Variants in HDLBP observed in about 807,000 individuals in gnomAD.
The protein encoded by HDLBP is vigilin.
Under a neutral mutation model 137.3 loss-of-function variants are expected in HDLBP, and 30 were observed. The ratio of observed to expected loss-of-function variants is 0.22; its 90% CI spans 0.16 to 0.30. The LOEUF (loss-of-function observed/expected upper bound fraction) is 0.30, where lower values mean the gene tolerates loss of function less well. Among genes scored for constraint, HDLBP ranks in the 10% least tolerant of loss-of-function variants. The probability of loss-of-function intolerance (pLI) is 1.00; values close to 1 mark genes in which losing one functional copy is unlikely to be tolerated. For synonymous variants in HDLBP, 606 were observed against 596.0 expected, an observed-to-expected ratio of 1.02 and a Z score of -0.24; for missense variants, 1,119 against 1,667.3, an observed-to-expected ratio of 0.67 and a Z score of 5.73.
rs556914078 is a variant in HDLBP, at chr2:241,256,393, G to A, written c.664C>T (p.Arg222Cys). 6 of 1,605,146 alleles carry A rather than the reference G, an allele frequency of 3.7e-6. No individual in the cohort carries two copies. The highest frequency in any genetic ancestry group is 1.3e-5 in the African/African-American group (1 of 74,932). Residue 222 changes from arginine to cysteine, a missense_variant, in exon 7 of 28, where the codon CGT becomes TGT. Transcript: ENST00000310931. ...VLLISAEQDK[R>C]AVERLEVEKA... The stretch of plus-strand genomic sequence containing the variant: ...TCTACTTCTAGCCTCTCCACAGCAC[G>A]TTTGTCCTGGAAAGGAAGGGATGAT...
intron 4 of HDLBP, among the ~76,000 whole-genome samples, chr2:241,263,814 G>A (rs570629184): frequency 6.6e-6 from 1 of 152,272 alleles, no homozygotes; most frequent in Admixed American, 6.5e-5. Context: ...ATAGAGAACA[G>A]AAAACAGGAC....
intron 5 of HDLBP, among the ~76,000 whole-genome samples, chr2:241,261,289 T>G (rs1220760474): frequency 6.6e-6 from 1 of 151,992 alleles, no homozygotes; most frequent in Non-Finnish European, 1.5e-5. Context: ...GTGACCTTGT[T>G]TGGACACTGA....
chr2:241,314,753 T>C (rs2075950881), intron 1 of HDLBP, among the ~76,000 whole-genome samples: 1 of 152,200 alleles, frequency 6.6e-6, no homozygotes, highest in Non-Finnish European at 1.5e-5. Flanking sequence ...TCAAAGGAGC[T>C]ACGCACAAAA....
At chr2:241,300,095 T>G (rs2075338429) in intron 1 of HDLBP, among the ~76,000 whole-genome samples, 1 of 151,964 alleles carries the variant, frequency 6.6e-6, no homozygotes, top group African/African-American at 2.4e-5. Flanking sequence ...CGTTCTTTCA[T>G]GAGAAAGTAG....
chr2:241,276,166 CTTA>C (rs1316282904), intron 1 of HDLBP, among the ~76,000 whole-genome samples: 3 of 152,110 alleles, frequency 2.0e-5, no homozygotes, highest in South Asian at 4.1e-4. Flanking sequence ...TTTCAAGATT[CTTA>C]TTATTTGGGG....
Position 241,255,850 on chromosome 2 carries a change from C to A in HDLBP, c.874-270G>T, listed in dbSNP as rs185327140. On this transcript the variant is annotated intron_variant, in intron 7 of 27. Coordinates refer to ENST00000310931, the MANE Select transcript of HDLBP (RefSeq NM_005336.6). Reference sequence around the variant, plus strand: ...CCAATCCTTTCCCTCAATTAAGGAACACGTTTCAGACCTCAAAGTTCACTA... The same window carrying A: ...CCAATCCTTTCCCTCAATTAAGGAAAACGTTTCAGACCTCAAAGTTCACTA... Among the ~76,000 whole-genome samples the A allele has an allele frequency of 2.0e-5, 3 of 152,358 alleles. No homozygotes were observed. The East Asian group carries it at 5.8e-4, about 29-fold the overall frequency.
At chr2:241,262,645 C>A (rs1285519507) in intron 5 of HDLBP, 66 bp downstream of exon 5, 12 of 1,253,430 alleles carry the variant, frequency 9.6e-6, no homozygotes, top group Non-Finnish European at 1.2e-5. Flanking sequence ...TTCTAGCCTG[C>A]ATCAGGAGCC....
intron 1 of HDLBP, among the ~76,000 whole-genome samples, chr2:241,307,775 C>T (rs902743266): frequency 6.6e-6 from 1 of 152,072 alleles, no homozygotes; most frequent in Non-Finnish European, 1.5e-5. Flanking sequence ...GCCATCTTTC[C>T]GAGTACCAAA....
At chr2:241,252,697 G>A (rs1559504671) in intron 11 of HDLBP, among the ~76,000 whole-genome samples, 1 of 152,226 alleles carries the variant, frequency 6.6e-6, no homozygotes, top group Non-Finnish European at 1.5e-5. Context: ...GCCTCTGTGG[G>A]TTATTTGGGG....
intron 12 of HDLBP, 117 bp downstream of exon 12, chr2:241,249,724 C>T (rs535506051): frequency 4.3e-5 from 43 of 994,804 alleles, no homozygotes; most frequent in African/African-American, 6.5e-5. Flanking sequence ...TCCAGTGCAA[C>T]GTGGGATTTG....
chr2:241,302,394 C>CA (rs34979901), intron 1 of HDLBP, among the ~76,000 whole-genome samples: 21,521 of 151,374 alleles, frequency 0.14, 2,010 homozygotes, highest in Non-Finnish European at 0.21. Flanking sequence ...TCCATTTTGA[C>CA]AAAAAAAATA....
At chr2:241,244,020 C>T (rs141939105) in intron 16 of HDLBP, among the ~76,000 whole-genome samples, 230 of 152,074 alleles carry the variant, frequency 1.5e-3, no homozygotes, top group Middle Eastern at 3.4e-3. Context: ...AGCAGAAAGA[C>T]TGAACATGTT....
In HDLBP at chr2:241,229,441, C is replaced by T. The variant is rs1035727022; in HGVS notation, c.*160G>A. On this transcript the variant is annotated 3_prime_UTR_variant, in exon 28 of 28. Coordinates refer to ENST00000310931, the MANE Select transcript of HDLBP (RefSeq NM_005336.6). Reference sequence around the variant, plus strand: ...GCACGGCCAGGCCTGGAGGAGCGGCCGCACACACAGCCAGGCGCTAGGCTC... The same window carrying T: ...GCACGGCCAGGCCTGGAGGAGCGGCTGCACACACAGCCAGGCGCTAGGCTC... 29 of 597,444 alleles carry T rather than the reference C, an allele frequency of 4.9e-5. No individual in the cohort carries two copies. Among genetic ancestry groups the T allele is most frequent in the African/African-American group, 1.9e-4 (10 of 53,444 alleles). 37.0% of individuals were successfully genotyped at this position (597,444 alleles called of 1,614,324 possible). A position where few individuals can be genotyped will look rare whatever the true frequency, so the allele number is the denominator to read the frequency against.
At position 241,229,442 on chromosome 2, in the gene HDLBP, GCA is replaced by G. The variant is rs368742242; in HGVS notation, c.*157_*158del. On this transcript the variant is annotated 3_prime_UTR_variant, in exon 28 of 28. Coordinates refer to ENST00000310931, the MANE Select transcript of HDLBP (RefSeq NM_005336.6). ...CACGGCCAGGCCTGGAGGAGCGGCC[GCA>G]CACACAGCCAGGCGCTAGGCTCCCT... 7.7e-4 allele frequency: 459 copies of G among 596,188 alleles called. 3 individuals carry two copies. The highest frequency in any genetic ancestry group is 7.7e-3 in the African/African-American group (412 of 53,602). 36.9% of individuals were successfully genotyped at this position (596,188 alleles called of 1,614,324 possible). A position where few individuals can be genotyped will look rare whatever the true frequency, so the allele number is the denominator to read the frequency against.
chr2:241,297,787 C>T (rs2075236464), intron 1 of HDLBP, among the ~76,000 whole-genome samples: 2 of 152,004 alleles, frequency 1.3e-5, no homozygotes, highest in Admixed American at 6.6e-5. Context: ...ATCAGAAGGA[C>T]ACAGACAGTA....
At chr2:241,283,441 T>C (rs2074684863) in intron 1 of HDLBP, among the ~76,000 whole-genome samples, 1 of 152,044 alleles carries the variant, frequency 6.6e-6, no homozygotes, top group Admixed American at 6.5e-5. Flanking sequence ...TGCAAGAAGA[T>C]GCCATCTAAG....
At chr2:241,277,342 T>C (rs1575007080) in intron 1 of HDLBP, among the ~76,000 whole-genome samples, 1 of 152,110 alleles carries the variant, frequency 6.6e-6, no homozygotes, top group African/African-American at 2.4e-5. Context: ...AAAGATAAGA[T>C]ATTAATGAAC....
intron 1 of HDLBP, among the ~76,000 whole-genome samples, chr2:241,271,486 C>A (rs2074032708): frequency 6.6e-6 from 1 of 152,140 alleles, no homozygotes; most frequent in African/African-American, 2.4e-5. Context: ...AAGTTTAGCA[C>A]AAGTCTAACA....
Position 241,249,983 on chromosome 2 carries a change from T to C in HDLBP, c.1373-3A>G. 6.3e-7 allele frequency: 1 copy of C among 1,596,620 alleles called. No individual in the cohort carries two copies. The highest frequency in any genetic ancestry group is 8.5e-7 in the Non-Finnish European group (1 of 1,173,698). On this transcript the variant is annotated splice_polypyrimidine_tract_variant and splice_region_variant and intron_variant, in intron 11 of 27. Transcript: ENST00000310931. ...GTACTGGTCTTTGATTCTGTTTACT[T>C]AGGAACACAAAAGGAAACACATTTA...
Sources: gnomAD v4.1 joint callset for allele counts (sites outside exome capture counted in the v4.1 genomes callset) on GRCh38, gnomAD v4.1.1 for gene constraint, MANE v1.5 for transcripts, NCBI Gene and HGNC (gene_info 2026-07-23, HGNC 2026-07-21) for gene names.